Variants in SH3BGRL observed in about 807,000 individuals in gnomAD.
SH3BGRL encodes the protein adapter SH3BGRL.
SH3BGRL carries 7 observed loss-of-function variants against 9.8 expected under a neutral mutation model. The ratio of observed to expected loss-of-function variants is 0.72; its 90% CI spans 0.41 to 1.35. SH3BGRL has a LOEUF of 1.35. Among genes scored for constraint, SH3BGRL ranks in the 40% most tolerant of loss-of-function variants. The pLI is 0.01. For synonymous variants in SH3BGRL, 36 were observed against 29.1 expected (o/e 1.24, Z -0.76); for missense variants, 73 against 84.4 (o/e 0.86, Z 0.53).
intron 1 of SH3BGRL, among the ~76,000 whole-genome samples, chrX:81,249,871 T>A (rs941666171): frequency 3.6e-5 from 4 of 111,139 alleles, no homozygotes; most frequent in Non-Finnish European, 7.5e-5. Flanking sequence ...TACAAAGGAA[T>A]TTTGGGGGGA....
At chrX:81,219,158 G>T (rs2075592025) in intron 1 of SH3BGRL, among the ~76,000 whole-genome samples, 1 of 110,105 alleles carries the variant, frequency 9.1e-6, no homozygotes, top group Non-Finnish European at 1.9e-5. Context: ...TAGGCACATG[G>T]TCATCAGGTT....
chrX:81,261,388 A>G (rs1180219719), intron 1 of SH3BGRL, among the ~76,000 whole-genome samples: 1 of 111,328 alleles, frequency 9.0e-6, no homozygotes, highest in Non-Finnish European at 1.9e-5. Context: ...GCTCTTATTG[A>G]TATGAATTAT....
At chrX:81,272,318 G>A (rs1425198885) in intron 1 of SH3BGRL, among the ~76,000 whole-genome samples, 3 of 109,889 alleles carry the variant, frequency 2.7e-5, no homozygotes, top group African/African-American at 6.6e-5. Context: ...CTCGCTTATT[G>A]CCAAACTGAC....
chrX:81,260,661 G>A (rs907258459), intron 1 of SH3BGRL, among the ~76,000 whole-genome samples: 6 of 110,755 alleles, frequency 5.4e-5, no homozygotes, highest in African/African-American at 1.6e-4. Flanking sequence ...TTAAGGGCTC[G>A]TTAGATTCCA....
intron 1 of SH3BGRL, among the ~76,000 whole-genome samples, chrX:81,250,374 T>G (rs1420906492): frequency 9.6e-6 from 1 of 104,299 alleles, no homozygotes; most frequent in East Asian, 3.0e-4. Context: ...GCCACTGCAT[T>G]CCAGCCTGGG....
At chrX:81,254,841 A>C (rs774964562) in intron 1 of SH3BGRL, among the ~76,000 whole-genome samples, 12 of 111,115 alleles carry the variant, frequency 1.1e-4, no homozygotes, top group Non-Finnish European at 2.1e-4. Flanking sequence ...GTTAAGCAAC[A>C]TTTATTAATA....
At chrX:81,229,954 T>G (rs2075628109) in intron 1 of SH3BGRL, among the ~76,000 whole-genome samples, 1 of 111,915 alleles carries the variant, frequency 8.9e-6, no homozygotes, top group Non-Finnish European at 1.9e-5. Flanking sequence ...CATGCTCCTC[T>G]TCTGTATCAA....
intron 1 of SH3BGRL, among the ~76,000 whole-genome samples, chrX:81,253,870 G>A (rs973988516): frequency 8.9e-6 from 1 of 111,750 alleles, no homozygotes; most frequent in Non-Finnish European, 1.9e-5. Flanking sequence ...CAGAGCAAAG[G>A]GTAGATTTGC....
At chrX:81,259,484 G>A (rs769831099) in intron 1 of SH3BGRL, among the ~76,000 whole-genome samples, 187 of 111,972 alleles carry the variant, frequency 1.7e-3, no homozygotes, top group African/African-American at 5.1e-3. Context: ...TCACTGTACC[G>A]AATTGGTAAT....
chrX:81,276,409 C>T (rs1275768063), intron 1 of SH3BGRL, among the ~76,000 whole-genome samples: 3 of 110,109 alleles, frequency 2.7e-5, no homozygotes, highest in African/African-American at 9.9e-5. Flanking sequence ...ATGATAAGGG[C>T]TAATGAATGG....
chrX:81,265,027 T>A (rs2075752081), intron 1 of SH3BGRL, among the ~76,000 whole-genome samples: 1 of 107,674 alleles, frequency 9.3e-6, no homozygotes, highest in Non-Finnish European at 1.9e-5. Flanking sequence ...TTTTTTTTTT[T>A]ACTGTTAACA....
intron 2 of SH3BGRL, among the ~76,000 whole-genome samples, chrX:81,277,705 C>A (rs2075802763): frequency 8.9e-6 from 1 of 112,165 alleles, no homozygotes; most frequent in Non-Finnish European, 1.9e-5. Flanking sequence ...TAAACATCTT[C>A]TTACTGGGAA....
chrX:81,296,524 A>G (rs1319294057), intron 3 of SH3BGRL, among the ~76,000 whole-genome samples: 1 of 111,174 alleles, frequency 9.0e-6, no homozygotes, highest in African/African-American at 3.3e-5. Flanking sequence ...TCCTCCTGAG[A>G]CTGTCAAGTA....
chrX:81,258,596 T>C (rs2075732437), intron 1 of SH3BGRL, among the ~76,000 whole-genome samples: 1 of 112,138 alleles, frequency 8.9e-6, no homozygotes, highest in Admixed American at 9.4e-5. Flanking sequence ...TAAATCAAGG[T>C]GTTTTGGTTG....
chrX:81,215,487 G>A lies in SH3BGRL; in HGVS notation c.45+13242G>A, dbSNP rs182988351. On this transcript the variant is annotated intron_variant, in intron 1 of 3. Transcript: ENST00000373212. ...GCTCCGAAGGACGAGAAAAGGCCAG[G>A]AATAAAGATTTTCTCAGCCTCCTCC... 6.3e-3 allele frequency among the ~76,000 whole-genome samples: 700 copies of A among 111,269 alleles called. 2 individuals are homozygous for A. Among genetic ancestry groups the A allele is most frequent in the Non-Finnish European group, 0.011 (593 of 52,998 alleles).
intron 1 of SH3BGRL, among the ~76,000 whole-genome samples, chrX:81,220,900 A>G (rs1002288740): frequency 9.1e-6 from 1 of 110,300 alleles, no homozygotes; most frequent in Admixed American, 9.7e-5. Context: ...ATATTGTCTT[A>G]TTTTCATGTG....
At chrX:81,294,300 GT>G (rs372273989) in intron 3 of SH3BGRL, among the ~76,000 whole-genome samples, 194 of 110,271 alleles carry the variant, frequency 1.8e-3, no homozygotes, top group African/African-American at 6.1e-3. Context: ...GGAAAAAATG[GT>G]TTTGTGGTTC....
At chrX:81,285,206 A>G (rs901978253) in intron 3 of SH3BGRL, among the ~76,000 whole-genome samples, 1 of 111,865 alleles carries the variant, frequency 8.9e-6, no homozygotes, top group Non-Finnish European at 1.9e-5. Context: ...ATGAACAGAA[A>G]GTATACTAAA....
intron 1 of SH3BGRL, among the ~76,000 whole-genome samples, chrX:81,208,602 A>G (rs1317451648): frequency 1.8e-5 from 2 of 112,398 alleles, no homozygotes; most frequent in Non-Finnish European, 3.8e-5. Flanking sequence ...CTATCTGACC[A>G]TCTGTTTGCT....
Sources: allele counts gnomAD v4.1 joint callset (sites outside exome capture counted in the v4.1 genomes callset), GRCh38; gene constraint gnomAD v4.1.1; transcripts MANE v1.5; gene names NCBI Gene and HGNC (gene_info 2026-07-23, HGNC 2026-07-21).